Variants in EBF1 observed in about 807,000 individuals in gnomAD.
The protein encoded by EBF1 is transcription factor COE1.
In EBF1, 10 loss-of-function variants were observed where a neutral mutation model predicts 68.4. The ratio of observed to expected loss-of-function variants is 0.15; its 90% CI spans 0.09 to 0.25. The LOEUF (loss-of-function observed/expected upper bound fraction) is 0.25. EBF1 is among the 10% of genes least tolerant of loss of function. The pLI, the probability that EBF1 is intolerant of heterozygous loss-of-function variation, is 1.00. For synonymous variants in EBF1, 298 were observed against 299.8 expected, an observed-to-expected ratio of 0.99 and a Z score of 0.06; for missense variants, 509 against 794.4, an observed-to-expected ratio of 0.64 and a Z score of 4.32.
chr5:158,768,794 C>T (rs1372910701), intron 10 of EBF1, among the ~76,000 whole-genome samples: 2 of 152,000 alleles, frequency 1.3e-5, no homozygotes, highest in Non-Finnish European at 2.9e-5. Flanking sequence ...TCCTATTCCA[C>T]AATATTTGAG....
At chr5:159,003,276 A>G (rs1213802267) in intron 6 of EBF1, among the ~76,000 whole-genome samples, 1 of 152,178 alleles carries the variant, frequency 6.6e-6, no homozygotes, top group African/African-American at 2.4e-5. Flanking sequence ...CCCCATACAT[A>G]TGGCACCCAC....
chr5:158,844,482 G>A (rs1314550107), intron 6 of EBF1, among the ~76,000 whole-genome samples: 2 of 152,286 alleles, frequency 1.3e-5, no homozygotes, highest in Middle Eastern at 3.4e-3. Flanking sequence ...GTCATGGTAT[G>A]TGTTTTCCAT....
intron 6 of EBF1, among the ~76,000 whole-genome samples, chr5:158,846,279 G>A (rs1791508571): frequency 1.3e-5 from 2 of 152,170 alleles, no homozygotes; most frequent in South Asian, 4.1e-4. Context: ...AATGCCTCAT[G>A]ATTAAAAGGA....
intron 6 of EBF1, among the ~76,000 whole-genome samples, chr5:158,864,775 C>T (rs1437506686): frequency 6.6e-6 from 1 of 152,138 alleles, no homozygotes; most frequent in Non-Finnish European, 1.5e-5. Flanking sequence ...GGAGCCCAGC[C>T]ATGCCAAAAC....
chr5:158,986,167 A>G (rs1759021157), intron 6 of EBF1, among the ~76,000 whole-genome samples: 1 of 152,180 alleles, frequency 6.6e-6, no homozygotes, highest in Non-Finnish European at 1.5e-5. Flanking sequence ...AAGAAACAGC[A>G]TGATTTCTGT....
chr5:159,098,758 G>C (rs1382707942), intron 1 of EBF1, among the ~76,000 whole-genome samples: 1 of 141,548 alleles, frequency 7.1e-6, no homozygotes, highest in African/African-American at 2.6e-5. Flanking sequence ...AGGGAAGAGG[G>C]GAAGAAAGGA....
At chr5:158,810,682 A>G (rs1046671019) in intron 8 of EBF1, among the ~76,000 whole-genome samples, 19 of 152,204 alleles carry the variant, frequency 1.2e-4, no homozygotes, top group African/African-American at 3.4e-4. Flanking sequence ...ATGTTCGCAT[A>G]TAAAATATTG....
chr5:159,027,944 A>C (rs1208555709), intron 6 of EBF1, among the ~76,000 whole-genome samples: 1 of 152,206 alleles, frequency 6.6e-6, no homozygotes, highest in African/African-American at 2.4e-5. Context: ...TGGAAAAATG[A>C]ACTTTAGCCC....
chr5:158,900,542 A>G (rs1239306193), intron 6 of EBF1, among the ~76,000 whole-genome samples: 12 of 152,184 alleles, frequency 7.9e-5, no homozygotes, highest in Non-Finnish European at 1.6e-4. Flanking sequence ...TGTTTTTTTC[A>G]ACAAGGCAGC....
intron 6 of EBF1, among the ~76,000 whole-genome samples, chr5:158,954,094 A>G (rs1816580359): frequency 6.6e-6 from 1 of 152,234 alleles, no homozygotes; most frequent in Admixed American, 6.5e-5. Context: ...GCTGATGCAA[A>G]TAGTTAAACT....
intron 6 of EBF1, among the ~76,000 whole-genome samples, chr5:158,876,072 C>T (rs143699401): frequency 3.9e-5 from 6 of 152,154 alleles, no homozygotes; most frequent in South Asian, 2.1e-4. Flanking sequence ...TTTGTGGATG[C>T]GAAAAGTTTA....
chr5:158,942,130 C>T (rs750874727), intron 6 of EBF1, among the ~76,000 whole-genome samples: 1 of 152,186 alleles, frequency 6.6e-6, no homozygotes, highest in Non-Finnish European at 1.5e-5. Context: ...ATTTCTCTGA[C>T]AAACTGTGCT....
intron 6 of EBF1, among the ~76,000 whole-genome samples, chr5:158,887,810 T>A (rs1043713888): frequency 2.6e-5 from 4 of 152,156 alleles, no homozygotes; most frequent in African/African-American, 4.8e-5. Context: ...GGAGACTGGG[T>A]TATGAAAAAA....
intron 10 of EBF1, among the ~76,000 whole-genome samples, chr5:158,751,723 C>A (rs1327740034): frequency 6.6e-6 from 1 of 152,036 alleles, no homozygotes; most frequent in Non-Finnish European, 1.5e-5. Context: ...TTGTAAAACA[C>A]TTAGAAGACT....
At chr5:159,053,606 C>A (rs1317166924) in intron 6 of EBF1, among the ~76,000 whole-genome samples, 1 of 81,160 alleles carries the variant, frequency 1.2e-5, no homozygotes, top group Non-Finnish European at 2.6e-5. Context: ...CTCTCTCTCT[C>A]ACACACACAC....
At chr5:158,828,353 G>C (rs1219101067) in intron 7 of EBF1, among the ~76,000 whole-genome samples, 1 of 152,110 alleles carries the variant, frequency 6.6e-6, no homozygotes, top group East Asian at 1.9e-4. Context: ...TTTTCAGATA[G>C]GGCTTTGATT....
chr5:158,970,009 T>A (rs1755288287), intron 6 of EBF1, among the ~76,000 whole-genome samples: 1 of 152,042 alleles, frequency 6.6e-6, no homozygotes, highest in African/African-American at 2.4e-5. Context: ...AATCTGCCCC[T>A]TTTTAGGCAC....
At chr5:158,724,287 T>C (rs1297683332) in intron 11 of EBF1, among the ~76,000 whole-genome samples, 1 of 152,134 alleles carries the variant, frequency 6.6e-6, no homozygotes, top group African/African-American at 2.4e-5. Flanking sequence ...ATAATGTTAA[T>C]CGAGTTTCCT....
intron 6 of EBF1, among the ~76,000 whole-genome samples, chr5:158,944,445 C>T (rs920687666): frequency 1.3e-5 from 2 of 152,254 alleles, no homozygotes; most frequent in East Asian, 1.9e-4. Context: ...ATATGTGCCA[C>T]GTTTTCTTTA....
Sources: allele counts gnomAD v4.1 joint callset (sites outside exome capture counted in the v4.1 genomes callset), GRCh38; gene constraint gnomAD v4.1.1; transcripts MANE v1.5; gene names NCBI Gene and HGNC (gene_info 2026-07-23, HGNC 2026-07-21).